Variants in PCED1B observed in about 807,000 individuals in gnomAD.
The protein encoded by PCED1B is PC-esterase domain containing 1B.
For synonymous variants in PCED1B, 251 were observed against 246.1 expected (o/e 1.02, Z -0.19); for missense variants, 573 against 573.9 (o/e 1.00, Z 0.02).
chr12:47,165,887 G>A (rs914014446), intron 2 of PCED1B, among the ~76,000 whole-genome samples: 23 of 152,098 alleles, frequency 1.5e-4, no homozygotes, highest in African/African-American at 5.3e-4. Context: ...TATAAATTTA[G>A]TGACCAAGCA....
At chr12:47,144,699 A>C (rs188216685) in intron 2 of PCED1B, among the ~76,000 whole-genome samples, 19 of 152,282 alleles carry the variant, frequency 1.2e-4, no homozygotes, top group African/African-American at 4.6e-4. Context: ...GTATCTAAAC[A>C]TATCTAAATA....
intron 2 of PCED1B, among the ~76,000 whole-genome samples, chr12:47,157,454 G>C (rs1941230784): frequency 6.6e-6 from 1 of 152,074 alleles, no homozygotes; most frequent in Non-Finnish European, 1.5e-5. Flanking sequence ...GCCAGGCATG[G>C]TTGTGTGTGC....
At chr12:47,183,194 A>C (rs1028675377) in intron 2 of PCED1B, among the ~76,000 whole-genome samples, 5 of 152,226 alleles carry the variant, frequency 3.3e-5, no homozygotes, top group Admixed American at 1.3e-4. Flanking sequence ...GCTACAATTC[A>C]GGTACTCACA....
At chr12:47,209,527 C>T (rs780945511) in intron 2 of PCED1B, 21 of 152,096 alleles carry the variant, frequency 1.4e-4, no homozygotes, top group African/African-American at 4.6e-4. Context: ...ATATGTAACA[C>T]CTGGATTAAA....
At chr12:47,143,458 A>G (rs1301372168) in intron 2 of PCED1B, among the ~76,000 whole-genome samples, 1 of 152,200 alleles carries the variant, frequency 6.6e-6, no homozygotes, top group African/African-American at 2.4e-5. Flanking sequence ...TCATAAAAGA[A>G]ACTTAGAAAA....
chr12:47,200,207 AT>A (rs397760027), intron 2 of PCED1B, among the ~76,000 whole-genome samples: 1 of 151,886 alleles, frequency 6.6e-6, no homozygotes, highest in Non-Finnish European at 1.5e-5. Context: ...AAAAAAAAAA[AT>A]TCTATCCAAA....
intron 2 of PCED1B, among the ~76,000 whole-genome samples, chr12:47,165,436 T>C (rs1941514006): frequency 1.3e-5 from 2 of 152,306 alleles, no homozygotes; most frequent in African/African-American, 4.8e-5. Context: ...TCCTAAAGAG[T>C]GAATGTGCAT....
In PCED1B at chr12:47,216,562, C is replaced by T. The variant is rs1410507963; in HGVS notation, c.-185C>T. 6.6e-6 allele frequency: 1 copy of T among 152,200 alleles called. No individual in the cohort carries two copies. The highest frequency in any genetic ancestry group is 1.5e-5 in the Non-Finnish European group (1 of 68,040). 9.4% of individuals were successfully genotyped at this position (152,200 alleles called of 1,614,324 possible). ...AGCACCCAGAGGCTAACCTATTTCC[C>T]CTATAGCCCAAGCTCTGAGATCTCC... is the stretch of plus-strand genomic sequence containing the variant. On this transcript the variant is annotated 5_prime_UTR_variant, in exon 3 of 4. Coordinates refer to ENST00000546455, the MANE Select transcript of PCED1B (RefSeq NM_138371.3).
intron 2 of PCED1B, among the ~76,000 whole-genome samples, chr12:47,202,210 G>T (rs1444974925): frequency 6.6e-6 from 1 of 152,140 alleles, no homozygotes; most frequent in Non-Finnish European, 1.5e-5. Flanking sequence ...TAATAGAAGG[G>T]TTAATATTTG....
intron 2 of PCED1B, among the ~76,000 whole-genome samples, chr12:47,153,609 A>T (rs1010525078): frequency 6.6e-6 from 1 of 152,148 alleles, no homozygotes; most frequent in African/African-American, 2.4e-5. Flanking sequence ...GAGGAAAAAA[A>T]TTAGCTCTCC....
intron 3 of PCED1B, among the ~76,000 whole-genome samples, chr12:47,226,341 C>G (rs1943631163): frequency 6.6e-6 from 1 of 152,088 alleles, no homozygotes; most frequent in Non-Finnish European, 1.5e-5. Context: ...CTTTAAGTGC[C>G]CATTTTCTTA....
intron 2 of PCED1B, among the ~76,000 whole-genome samples, chr12:47,202,594 TAAAA>T (rs60769675): frequency 1.5e-5 from 1 of 66,678 alleles, no homozygotes; most frequent in African/African-American, 6.0e-5. Flanking sequence ...TAGACATTAG[TAAAA>T]AAAAAAAAAA....
intron 2 of PCED1B, chr12:47,138,132 T>C (rs1185898450): frequency 3.9e-5 from 6 of 152,216 alleles, no homozygotes; most frequent in Admixed American, 1.3e-4. Flanking sequence ...CAGAACATAC[T>C]GTTCAATAGG....
intron 2 of PCED1B, among the ~76,000 whole-genome samples, chr12:47,174,116 T>TA (rs1392802923): frequency 1.3e-5 from 2 of 151,736 alleles, no homozygotes; most frequent in Non-Finnish European, 1.5e-5. Context: ...TCTGTCTCTA[T>TA]AAAAAAATAT....
At chr12:47,207,838 A>G (rs1010170061) in intron 2 of PCED1B, among the ~76,000 whole-genome samples, 9 of 152,174 alleles carry the variant, frequency 5.9e-5, no homozygotes, top group South Asian at 2.1e-4. Context: ...GAGCTTTTCT[A>G]TTTAAAGAAT....
At chr12:47,204,246 A>G (rs779226494) in intron 2 of PCED1B, among the ~76,000 whole-genome samples, 14 of 151,638 alleles carry the variant, frequency 9.2e-5, no homozygotes, top group Non-Finnish European at 1.6e-4. Context: ...ACCACGCCCA[A>G]CCCCCATATG....
chr12:47,103,892 G>T (rs947106710), intron 1 of PCED1B, among the ~76,000 whole-genome samples: 2 of 152,140 alleles, frequency 1.3e-5, no homozygotes, highest in African/African-American at 2.4e-5. Context: ...CATTGTCATT[G>T]CTCCATTATG....
intron 3 of PCED1B, among the ~76,000 whole-genome samples, chr12:47,217,649 T>C (rs1943340075): frequency 6.6e-6 from 1 of 152,166 alleles, no homozygotes; most frequent in Non-Finnish European, 1.5e-5. Context: ...CTATCTCTGC[T>C]CACCGCAACC....
intron 3 of PCED1B, among the ~76,000 whole-genome samples, chr12:47,221,996 G>T (rs1943490245): frequency 1.3e-5 from 2 of 151,810 alleles, no homozygotes; most frequent in African/African-American, 4.8e-5. Flanking sequence ...CCAACTACTT[G>T]GCAGGCTGAG....
Sources: gnomAD v4.1 joint callset for allele counts (sites outside exome capture counted in the v4.1 genomes callset) on GRCh38, gnomAD v4.1.1 for gene constraint, MANE v1.5 for transcripts, NCBI Gene and HGNC (gene_info 2026-07-23, HGNC 2026-07-21) for gene names.